ARMH1: variants seen among roughly 807,000 people sequenced by gnomAD.
ARMH1 encodes the protein armadillo like helical domain containing 1.
Under a neutral mutation model 50.2 loss-of-function variants are expected in ARMH1, and 34 were observed. The ratio of observed to expected loss-of-function variants is 0.68; its 90% confidence interval spans 0.51 to 0.90. The LOEUF is 0.90. Ranked by LOEUF, ARMH1 falls within the 40% of genes least tolerant of loss-of-function variation. The pLI is 0.00. For synonymous variants in ARMH1, 221 were observed against 224.2 expected (o/e 0.99, Z 0.13); for missense variants, 538 against 553.9 (o/e 0.97, Z 0.29).
In ARMH1 at chr1:44,721,578, A is replaced by G. The variant is rs372326125; in HGVS notation, c.725-2544A>G. ...TTACAAGAAGCTAAAAAAACATGAC[A>G]GTAGGCCGGGCACTACAAAAAGTAC... On this transcript the variant is annotated intron_variant, in intron 6 of 11. Coordinates refer to ENST00000535358, the MANE Select transcript of ARMH1 (RefSeq NM_001145636.2). Among the ~76,000 whole-genome samples the G allele has an allele frequency of 1.6e-4, 24 of 152,316 alleles. 1 individual carries two copies. The highest frequency in any genetic ancestry group is 1.4e-3 in the South Asian group (7 of 4,832).
At chr1:44,692,823 C>G (rs1236279043) in intron 2 of ARMH1, 1 of 152,060 alleles carries the variant, frequency 6.6e-6, no homozygotes, top group Non-Finnish European at 1.5e-5. Flanking sequence ...GCCCCAAACT[C>G]CTGGAGACTC....
At position 44,725,515 on chromosome 1, in the gene ARMH1, C is replaced by G; in HGVS notation, c.*112C>G. On this transcript the variant is annotated 3_prime_UTR_variant, in exon 12 of 12. Coordinates refer to ENST00000535358, the MANE Select transcript of ARMH1 (RefSeq NM_001145636.2). Reference sequence around the variant, plus strand: ...ACTCCACTTGGCTCCAGGGGGGAGACGGGGATTAGGCATCCCAGAGGGGCA... The same window carrying G: ...ACTCCACTTGGCTCCAGGGGGGAGAGGGGGATTAGGCATCCCAGAGGGGCA... The G allele has an allele frequency of 9.3e-7, 1 of 1,077,648 alleles. No homozygotes were observed. Among genetic ancestry groups the G allele is most frequent in the Non-Finnish European group, 1.4e-6 (1 of 730,740 alleles). 66.8% of individuals were successfully genotyped at this position (1,077,648 alleles called of 1,614,324 possible). A position where few individuals can be genotyped will look rare whatever the true frequency, so the allele number is the denominator to read the frequency against.
chr1:44,700,591 G>A (rs1043534259), intron 4 of ARMH1, among the ~76,000 whole-genome samples: 4 of 147,946 alleles, frequency 2.7e-5, no homozygotes, highest in Admixed American at 1.3e-4. Context: ...ACTCCAGCCT[G>A]GGCAACAGAC....
chr1:44,717,043 G>T (rs2148750860), intron 6 of ARMH1, among the ~76,000 whole-genome samples: 1 of 152,094 alleles, frequency 6.6e-6, no homozygotes, highest in South Asian at 2.1e-4. Context: ...TAGAGACGGG[G>T]TTTCACCATC....
Position 44,724,811 on chromosome 1 carries a change from TGGGGGA to T in ARMH1, c.1103_1108del (p.Gly368_Glu369del). 1.3e-6 allele frequency: 2 copies of T among 1,542,602 alleles called. No individual in the cohort carries two copies. The highest frequency in any genetic ancestry group is 1.7e-6 in the Non-Finnish European group (2 of 1,146,714). Reference sequence around the variant, plus strand: ...GTGGCGGAGCACGTGCGCAAGTGCATGGGGGAGGAACTCTACCAGCTCTTCCTGGTA... The same window carrying T: ...GTGGCGGAGCACGTGCGCAAGTGCATGGAACTCTACCAGCTCTTCCTGGTA... On this transcript the variant is annotated inframe_deletion, in exon 10 of 12. Coordinates refer to ENST00000535358, the MANE Select transcript of ARMH1 (RefSeq NM_001145636.2). This position sits in a 1 kb window ranked among gnomAD's most constrained non-coding sequence, Gnocchi z 6.4.
At chr1:44,701,392 G>A (rs1380081073) in intron 5 of ARMH1, among the ~76,000 whole-genome samples, 2 of 152,196 alleles carry the variant, frequency 1.3e-5, no homozygotes, top group Admixed American at 6.5e-5. Flanking sequence ...TGAAAGGGCT[G>A]TAGAAAAGAT....
chr1:44,697,309 A>G, intron 3 of ARMH1, 139 bp downstream of exon 3: 2 of 675,720 alleles, frequency 3.0e-6, no homozygotes, highest in African/African-American at 1.8e-5. Flanking sequence ...GCCCAGAGGT[A>G]ATGTCCACCG....
In ARMH1 at chr1:44,682,396, G is replaced by T. The variant is rs1218359494; in HGVS notation, c.-22-7280G>T. On this transcript the variant is annotated intron_variant, in intron 1 of 11. Transcript: ENST00000535358. This position sits in a 1 kb window ranked among gnomAD's most constrained non-coding sequence, Gnocchi z 4.5. ...GAGGAGGAAGGGTTCAGGAACAGTA[G>T]TAGGGATTTAGAGAATGGTGTTTGA... Among the ~76,000 whole-genome samples, 2 of 152,190 alleles carry T rather than the reference G, an allele frequency of 1.3e-5. No individual in the cohort carries two copies. The highest frequency in any genetic ancestry group is 3.9e-4 in the East Asian group (2 of 5,194).
At chr1:44,721,828 CAT>C (rs771263259) in intron 6 of ARMH1, 35 of 152,136 alleles carry the variant, frequency 2.3e-4, no homozygotes, top group African/African-American at 6.0e-4. Flanking sequence ...ACCATAAACT[CAT>C]AGTTGTTTTT....
intron 1 of ARMH1, among the ~76,000 whole-genome samples, chr1:44,679,286 A>G (rs901991263): frequency 1.3e-5 from 2 of 152,188 alleles, no homozygotes; most frequent in African/African-American, 2.4e-5. Context: ...CTGGCATTCC[A>G]TGTGTGCTCC....
intron 6 of ARMH1, among the ~76,000 whole-genome samples, chr1:44,721,296 G>C (rs1350009816): frequency 1.3e-5 from 2 of 152,066 alleles, no homozygotes; most frequent in African/African-American, 4.8e-5. Flanking sequence ...CCAGGTACCT[G>C]ATAAAAACAA....
In ARMH1 at chr1:44,700,974, A is replaced by G; in HGVS notation, c.494A>G (p.Gln165Arg). 1 of 1,551,568 alleles carries G rather than the reference A, an allele frequency of 6.4e-7. No homozygotes were observed. The highest frequency in any genetic ancestry group is 2.4e-5 in the East Asian group (1 of 40,936). Residue 165 changes from glutamine to arginine, a missense_variant, in exon 5 of 12, where the codon CAG becomes CGG. Gln to Arg is a conservative substitution (Grantham distance 43). Coordinates refer to ENST00000535358, the MANE Select transcript of ARMH1 (RefSeq NM_001145636.2). ...GCAAAGTCTAAGTCAGAAGAGACCC[A>G]GGAGGAAGTGCAGGTTCTGTTGGAT... is the stretch of plus-strand genomic sequence containing the variant. ...FLAKSKSEET[Q>R]EEVQVLLDSL...
At position 44,698,249 on chromosome 1, in the gene ARMH1, A is replaced by G; in HGVS notation, c.442+20A>G. On this transcript the variant is annotated intron_variant, in intron 4 of 11. Transcript: ENST00000535358. ...GCTATGGTGGGTACTGTGTGTGACA[A>G]GATGTGTCTCCCTAGGGGCCTGAAT... 6.5e-7 allele frequency: 1 copy of G among 1,542,988 alleles called. No homozygotes were observed. Among genetic ancestry groups the G allele is most frequent in the Non-Finnish European group, 8.8e-7 (1 of 1,140,736 alleles).
At chr1:44,689,941 C>T (rs1356863349) in intron 2 of ARMH1, 38 bp downstream of exon 2, 77 of 1,527,936 alleles carry the variant, frequency 5.0e-5, no homozygotes, top group Middle Eastern at 2.3e-4. Context: ...AATTAGGCAC[C>T]GGGCACGGTG....
intron 6 of ARMH1, 83 bp downstream of exon 6, chr1:44,704,256 C>G (rs1360184800): frequency 2.9e-6 from 3 of 1,040,634 alleles, no homozygotes; most frequent in East Asian, 2.6e-5. Context: ...TCACAAAGAG[C>G]CTTGATGTTG....
intron 2 of ARMH1, among the ~76,000 whole-genome samples, chr1:44,695,788 GA>G (rs1645806020): frequency 6.6e-6 from 1 of 151,264 alleles, no homozygotes; most frequent in Non-Finnish European, 1.5e-5. Flanking sequence ...AAAAAATACA[GA>G]AAAAAAATAG....
intron 6 of ARMH1, among the ~76,000 whole-genome samples, chr1:44,718,784 G>A (rs912344490): frequency 6.6e-6 from 1 of 152,180 alleles, no homozygotes; most frequent in Non-Finnish European, 1.5e-5. Flanking sequence ...CAGCACTTTG[G>A]GAGGCCGAGG....
At chr1:44,699,967 C>T (rs1427770944) in intron 4 of ARMH1, among the ~76,000 whole-genome samples, 2 of 151,782 alleles carry the variant, frequency 1.3e-5, no homozygotes, top group East Asian at 3.9e-4. Flanking sequence ...GTAACTGGGA[C>T]TACAGGCGCG....
At chr1:44,723,574 T>C (rs1647727836) in intron 6 of ARMH1, among the ~76,000 whole-genome samples, 1 of 152,126 alleles carries the variant, frequency 6.6e-6, no homozygotes, top group Admixed American at 6.6e-5. Context: ...TCGGCAAAGG[T>C]AAAATGGGGA....
Sources: allele counts gnomAD v4.1 joint callset (sites outside exome capture counted in the v4.1 genomes callset), GRCh38; gene constraint gnomAD v4.1.1; non-coding constraint Gnocchi (gnomAD v3.1); transcripts MANE v1.5; gene names NCBI Gene and HGNC (gene_info 2026-07-23, HGNC 2026-07-21).